The following MIGA1 variants were observed in gnomAD, a reference collection of about 807,000 sequenced individuals.
The protein encoded by MIGA1 is family with sequence similarity 73, member A.
In MIGA1, 58 loss-of-function variants were observed where a neutral mutation model predicts 82.0. The observed-to-expected ratio is 0.71, with a 90% CI of 0.57 to 0.88. MIGA1 has a LOEUF of 0.88. Among genes scored for constraint, MIGA1 ranks in the 40% least tolerant of loss-of-function variants. MIGA1 has a pLI of 0.00. For missense variants in MIGA1, 751 were observed against 749.1 expected, an observed-to-expected ratio of 1.00 and a Z score of -0.03; for synonymous variants, 249 against 253.6, an observed-to-expected ratio of 0.98 and a Z score of 0.17.
At chr1:77,799,526 A>C (rs565623491) in intron 2 of MIGA1, among the ~76,000 whole-genome samples, 54 of 152,346 alleles carry the variant, frequency 3.5e-4, no homozygotes, top group African/African-American at 1.3e-3. Flanking sequence ...TAACATGATT[A>C]GGACGTATCC....
At chr1:77,784,048 T>A (rs1016098307) in intron 2 of MIGA1, among the ~76,000 whole-genome samples, 1 of 152,158 alleles carries the variant, frequency 6.6e-6, no homozygotes, top group African/African-American at 2.4e-5. Flanking sequence ...ACATTTTGCT[T>A]ATGTGTGTGT....
chr1:77,855,927 A>G (rs1045329436), intron 8 of MIGA1, among the ~76,000 whole-genome samples: 14 of 152,056 alleles, frequency 9.2e-5, no homozygotes, highest in African/African-American at 1.7e-4. Flanking sequence ...TTCCAGTACT[A>G]TGTTGAAGAG....
rs529756142 is a variant in MIGA1, at chr1:77,782,770, G to T, written c.82-468G>T. 52 of 535,496 alleles carry T rather than the reference G, an allele frequency of 9.7e-5. 1 individual carries two copies. The South Asian group carries it at 3.8e-3, about 40-fold the overall frequency. 33.2% of individuals were successfully genotyped at this position (535,496 alleles called of 1,614,324 possible). A position where few individuals can be genotyped will look rare whatever the true frequency, so the allele number is the denominator to read the frequency against. ...ATAAATGCGTGAGTTCTGGAGTTCA[G>T]TCAGTGAACTCTGAGGTTCTAGCCC... On this transcript the variant is annotated intron_variant, in intron 1 of 15. Transcript: ENST00000370791.
chr1:77,846,195 T>G (rs1308195084), intron 8 of MIGA1, among the ~76,000 whole-genome samples: 1 of 152,140 alleles, frequency 6.6e-6, no homozygotes, highest in Non-Finnish European at 1.5e-5. Flanking sequence ...TGAATTTGCC[T>G]TATTCTGGAC....
intron 11 of MIGA1, 50 bp from the exon 12 acceptor site, chr1:77,861,174 T>G: frequency 8.7e-7 from 1 of 1,143,932 alleles, no homozygotes; most frequent in Non-Finnish European, 1.3e-6. Flanking sequence ...ACTTTCTTTG[T>G]AGCTTGTTAT....
intron 7 of MIGA1, among the ~76,000 whole-genome samples, chr1:77,818,481 C>T (rs1683665994): frequency 6.6e-6 from 1 of 152,000 alleles, no homozygotes; most frequent in African/African-American, 2.4e-5. Context: ...CAAGGATGTA[C>T]GTGAAGTGCT....
Position 77,782,753 on chromosome 1 carries a change from G to A in MIGA1, c.82-485G>A, listed in dbSNP as rs184208756. On this transcript the variant is annotated intron_variant, in intron 1 of 15. Coordinates refer to ENST00000370791, the MANE Select transcript of MIGA1 (RefSeq NM_198549.4). ...AATGAGACAATAGGAGAATAAATGC[G>A]TGAGTTCTGGAGTTCAGTCAGTGAA... The A allele has an allele frequency of 3.5e-3, 1,222 of 347,912 alleles. 6 individuals carry two copies. The highest frequency in any genetic ancestry group is 4.6e-3 in the Non-Finnish European group (1,131 of 247,394). 21.6% of individuals were successfully genotyped at this position (347,912 alleles called of 1,614,324 possible).
chr1:77,822,302 T>A (rs1029302401), intron 7 of MIGA1, among the ~76,000 whole-genome samples: 1 of 152,180 alleles, frequency 6.6e-6, no homozygotes, highest in African/African-American at 2.4e-5. Context: ...AACTCACACC[T>A]GTAGCCCTAG....
At position 77,861,225 on chromosome 1, in the gene MIGA1, A is replaced by G; in HGVS notation, c.1277A>G (p.Asn426Ser). 6.3e-7 allele frequency: 1 copy of G among 1,592,746 alleles called. No homozygotes were observed. Among genetic ancestry groups the G allele is most frequent in the Non-Finnish European group, 8.6e-7 (1 of 1,161,676 alleles). The stretch of plus-strand genomic sequence containing the variant: ...GTTAAAATGTGTTTTCTTCTTCAGA[A>G]TCCAAAGAAGTTTGAAGATGTTTTT... The change falls in exon 12 of 16, where the codon AAT (asparagine) becomes AGT (serine). Residue 426 changes from asparagine (N) to serine (S), a missense_variant and splice_region_variant. Coordinates refer to ENST00000370791, the MANE Select transcript of MIGA1 (RefSeq NM_198549.4).
At chr1:77,869,115 G>A (rs1685792724) in intron 14 of MIGA1, among the ~76,000 whole-genome samples, 1 of 150,158 alleles carries the variant, frequency 6.7e-6, no homozygotes, top group African/African-American at 2.5e-5. Flanking sequence ...GTGTCCCTGG[G>A]TACTTAAGAT....
rs1044671303 is a variant in MIGA1, at chr1:77,791,842, G to A, written c.195+8491G>A. ...GCCTCCCAAAGTGGTGGGATTACAG[G>A]CATGAGCCACTGCGCCTGGCCCAAT... On this transcript the variant is annotated intron_variant, in intron 2 of 15. Transcript: ENST00000370791. Among the ~76,000 whole-genome samples the A allele has an allele frequency of 4.6e-5, 7 of 152,078 alleles. No individual in the cohort carries two copies. In the South Asian group the frequency reaches 1.5e-3, roughly 32 times the overall value.
chr1:77,839,932 C>A (rs555709354), intron 7 of MIGA1, among the ~76,000 whole-genome samples: 7 of 151,882 alleles, frequency 4.6e-5, no homozygotes, highest in African/African-American at 1.7e-4. Flanking sequence ...AGGGTTTTGT[C>A]ATATTGCCCA....
intron 11 of MIGA1, 158 bp downstream of exon 11, chr1:77,860,284 C>T: frequency 1.8e-6 from 1 of 560,282 alleles, no homozygotes; most frequent in Non-Finnish European, 3.1e-6. Flanking sequence ...TGTATAAAGT[C>T]CACACTATTT....
Position 77,811,554 on chromosome 1 carries a change from A to G in MIGA1, c.638-2180A>G, listed in dbSNP as rs552806761. 6 of 1,609,538 alleles carry G rather than the reference A, an allele frequency of 3.7e-6. No individual in the cohort carries two copies. In the African/African-American group the frequency reaches 8.0e-5, roughly 21 times the overall value. On this transcript the variant is annotated intron_variant, in intron 5 of 15. Coordinates refer to ENST00000370791, the MANE Select transcript of MIGA1 (RefSeq NM_198549.4). The stretch of plus-strand genomic sequence containing the variant: ...CTTCTTGAGACTGTGTGGACTGTAA[A>G]GCTGCACTTCGCAATTCCAAGCATG...
chr1:77,802,222 T>G (rs2101751449), intron 3 of MIGA1, among the ~76,000 whole-genome samples: 1 of 152,350 alleles, frequency 6.6e-6, no homozygotes, highest in South Asian at 2.1e-4. Context: ...AGTGACTATT[T>G]CGTACTGAGT....
At chr1:77,789,457 G>C (rs557341854) in intron 2 of MIGA1, among the ~76,000 whole-genome samples, 1 of 151,904 alleles carries the variant, frequency 6.6e-6, no homozygotes, top group Non-Finnish European at 1.5e-5. Context: ...CGATCCTCCC[G>C]TATTGGCCTC....
At chr1:77,823,116 C>T (rs1032835267) in intron 7 of MIGA1, among the ~76,000 whole-genome samples, 5 of 151,794 alleles carry the variant, frequency 3.3e-5, no homozygotes, top group African/African-American at 1.2e-4. Flanking sequence ...GCTGGAATTA[C>T]AGGCGTGAGC....
At chr1:77,808,587 A>T (rs1304808827) in intron 5 of MIGA1, among the ~76,000 whole-genome samples, 1 of 152,252 alleles carries the variant, frequency 6.6e-6, no homozygotes, top group Non-Finnish European at 1.5e-5. Flanking sequence ...ATGGAGCCTC[A>T]CTGGAGCCCT....
intron 11 of MIGA1, chr1:77,860,986 T>A: frequency 2.5e-6 from 1 of 401,782 alleles, no homozygotes; most frequent in Non-Finnish European, 4.4e-6. Context: ...AAAATAGGCA[T>A]ACATATTTGA....
Sources: allele counts gnomAD v4.1 joint callset (sites outside exome capture counted in the v4.1 genomes callset), GRCh38; gene constraint gnomAD v4.1.1; transcripts MANE v1.5; gene names NCBI Gene and HGNC (gene_info 2026-07-23, HGNC 2026-07-21).